HS3ST4: variants seen among roughly 807,000 people sequenced by gnomAD.
The protein encoded by HS3ST4 is heparan sulfate glucosamine 3-O-sulfotransferase 4.
A neutral mutation model predicts 29.2 loss-of-function variants in HS3ST4; 17 were observed. That is an observed-to-expected ratio of 0.58 (90% CI 0.40 to 0.87). The LOEUF (loss-of-function observed/expected upper bound fraction) is 0.87, where lower values mean the gene tolerates loss of function less well. Ranked by LOEUF, HS3ST4 falls within the 40% of genes least tolerant of loss-of-function variation. The pLI is 0.00. For synonymous variants in HS3ST4, 314 were observed against 285.7 expected (o/e 1.10, Z -1.00); for missense variants, 627 against 634.5 (o/e 0.99, Z 0.13).
chr16:25,778,152 T>G (rs1024753205), intron 1 of HS3ST4, among the ~76,000 whole-genome samples: 1 of 147,844 alleles, frequency 6.8e-6, no homozygotes, highest in Non-Finnish European at 1.5e-5. Context: ...ATATATATAT[T>G]TTTTCTACAA....
intron 1 of HS3ST4, among the ~76,000 whole-genome samples, chr16:25,754,212 C>T (rs916512454): frequency 1.5e-4 from 23 of 152,138 alleles, no homozygotes; most frequent in African/African-American, 5.3e-4. Flanking sequence ...TAAGCTAGAA[C>T]TTACATAAAG....
chr16:26,076,768 A>G (rs1898669334), intron 1 of HS3ST4, among the ~76,000 whole-genome samples: 1 of 152,210 alleles, frequency 6.6e-6, no homozygotes, highest in South Asian at 2.1e-4. Flanking sequence ...GTAAGAGTTC[A>G]TAGAGTAGGC....
chr16:26,045,506 T>C lies in HS3ST4; in HGVS notation c.735-90106T>C, dbSNP rs183280859. On this transcript the variant is annotated intron_variant, in intron 1 of 1. Transcript: ENST00000331351. Reference sequence around the variant, plus strand: ...TTGAATGTAGCACTAGAACTCGCAGTACATAAGAAGGCAGAAAATGAGCAG... The same window carrying C: ...TTGAATGTAGCACTAGAACTCGCAGCACATAAGAAGGCAGAAAATGAGCAG... 5.3e-5 allele frequency among the ~76,000 whole-genome samples: 8 copies of C among 152,294 alleles called. No individual in the cohort carries two copies. In the East Asian group the frequency reaches 1.4e-3, roughly 26 times the overall value.
intron 1 of HS3ST4, among the ~76,000 whole-genome samples, chr16:25,749,042 C>T (rs116106607): frequency 0.016 from 2,426 of 152,262 alleles, 70 homozygotes; most frequent in African/African-American, 0.055. Flanking sequence ...AGGAAAAGCC[C>T]ATCTTGGTAT....
chr16:25,889,241 G>A (rs1027576308), intron 1 of HS3ST4, among the ~76,000 whole-genome samples: 2 of 152,106 alleles, frequency 1.3e-5, no homozygotes, highest in Non-Finnish European at 2.9e-5. Context: ...TTTCTTGCTC[G>A]CTCTGAGGGA....
chr16:26,053,900 T>C (rs929718586), intron 1 of HS3ST4, among the ~76,000 whole-genome samples: 1 of 152,004 alleles, frequency 6.6e-6, no homozygotes, highest in African/African-American at 2.4e-5. Flanking sequence ...AAAACATGCC[T>C]ATCATGTGAC....
At chr16:25,703,174 C>T (rs1285398978) in intron 1 of HS3ST4, among the ~76,000 whole-genome samples, 1 of 149,534 alleles carries the variant, frequency 6.7e-6, no homozygotes, top group Non-Finnish European at 1.5e-5. Context: ...AACAAACAAA[C>T]AAAAAAAAAG....
intron 1 of HS3ST4, among the ~76,000 whole-genome samples, chr16:25,854,764 G>C (rs368355258): frequency 1.3e-5 from 2 of 149,626 alleles, no homozygotes; most frequent in East Asian, 2.0e-4. Context: ...TGGTGTGGTG[G>C]TAAGGGAGGC....
intron 1 of HS3ST4, among the ~76,000 whole-genome samples, chr16:25,925,614 C>G (rs1488121791): frequency 6.6e-6 from 1 of 152,168 alleles, no homozygotes; most frequent in Non-Finnish European, 1.5e-5. Flanking sequence ...GACGGGGAGG[C>G]TTTGACTGGG....
chr16:25,930,315 C>T (rs930042640), intron 1 of HS3ST4, among the ~76,000 whole-genome samples: 2 of 152,190 alleles, frequency 1.3e-5, no homozygotes, highest in Non-Finnish European at 2.9e-5. Flanking sequence ...CTCTCTCAGA[C>T]CTCTCTAGGC....
At chr16:25,845,965 G>A (rs144871705) in intron 1 of HS3ST4, among the ~76,000 whole-genome samples, 49 of 151,964 alleles carry the variant, frequency 3.2e-4, no homozygotes, top group Non-Finnish European at 5.6e-4. Context: ...GTTACTGTTC[G>A]TATTTGGAGT....
At chr16:25,914,935 C>T (rs1156887185) in intron 1 of HS3ST4, among the ~76,000 whole-genome samples, 1 of 151,992 alleles carries the variant, frequency 6.6e-6, no homozygotes, top group Non-Finnish European at 1.5e-5. Context: ...AAAAAAGACA[C>T]TCTCTCTAAA....
chr16:26,006,611 G>A (rs1282258253), intron 1 of HS3ST4, among the ~76,000 whole-genome samples: 1 of 152,148 alleles, frequency 6.6e-6, no homozygotes, highest in Non-Finnish European at 1.5e-5. Context: ...CTGGTTGGAT[G>A]GGCATGCAAT....
intron 1 of HS3ST4, among the ~76,000 whole-genome samples, chr16:25,908,136 T>G (rs1968197394): frequency 6.6e-6 from 1 of 152,160 alleles, no homozygotes; most frequent in Admixed American, 6.5e-5. Flanking sequence ...CTGGCTGATT[T>G]TCGGAGCTTG....
intron 1 of HS3ST4, among the ~76,000 whole-genome samples, chr16:25,946,374 G>A (rs929527431): frequency 2.6e-5 from 4 of 152,220 alleles, no homozygotes; most frequent in Non-Finnish European, 4.4e-5. Context: ...ATCTGTCTTG[G>A]CAAAGTCTCA....
At chr16:26,020,057 C>T (rs1168752122) in intron 1 of HS3ST4, among the ~76,000 whole-genome samples, 4 of 152,128 alleles carry the variant, frequency 2.6e-5, no homozygotes, top group Non-Finnish European at 5.9e-5. Context: ...AAACACCGCC[C>T]CCCCTACCAA....
At chr16:25,995,395 T>C (rs567005629) in intron 1 of HS3ST4, among the ~76,000 whole-genome samples, 1 of 152,330 alleles carries the variant, frequency 6.6e-6, no homozygotes, top group South Asian at 2.1e-4. Flanking sequence ...TTATGCTTTT[T>C]ATCTATTCTG....
chr16:25,869,471 T>A (rs1262933348), intron 1 of HS3ST4, among the ~76,000 whole-genome samples: 1 of 152,146 alleles, frequency 6.6e-6, no homozygotes, highest in African/African-American at 2.4e-5. Context: ...TTATTTGACC[T>A]CTTTTTGATT....
chr16:25,943,373 C>T (rs1012187724), intron 1 of HS3ST4, among the ~76,000 whole-genome samples: 9 of 152,242 alleles, frequency 5.9e-5, no homozygotes, highest in Non-Finnish European at 7.3e-5. Context: ...GTGCAGGTTA[C>T]AAAGTGTAGA....
Sources: allele counts gnomAD v4.1 joint callset (sites outside exome capture counted in the v4.1 genomes callset), GRCh38; gene constraint gnomAD v4.1.1; transcripts MANE v1.5; gene names NCBI Gene and HGNC (gene_info 2026-07-23, HGNC 2026-07-21).